The following CPEB3 variants were observed in gnomAD, a reference collection of about 807,000 sequenced individuals.
CPEB3 encodes the protein cytoplasmic polyadenylation element binding protein 3.
In CPEB3, 20 loss-of-function variants were observed where a neutral mutation model predicts 67.2. The observed-to-expected ratio is 0.30, with a 90% CI of 0.21 to 0.43. The LOEUF (loss-of-function observed/expected upper bound fraction) is 0.43. Among genes scored for constraint, CPEB3 ranks in the 20% least tolerant of loss-of-function variants. The probability of loss-of-function intolerance (pLI) is 1.00; values close to 1 mark genes in which losing one functional copy is unlikely to be tolerated. For missense variants in CPEB3, 746 were observed against 968.6 expected, an observed-to-expected ratio of 0.77 and a Z score of 3.05; for synonymous variants, 376 against 393.1, an observed-to-expected ratio of 0.96 and a Z score of 0.51.
intron 2 of CPEB3, among the ~76,000 whole-genome samples, chr10:92,219,367 C>A (rs1850589333): frequency 6.6e-6 from 1 of 152,100 alleles, no homozygotes; most frequent in African/African-American, 2.4e-5. Context: ...CCTTTGATGT[C>A]TCAGTATTCA....
At chr10:92,082,264 CTTTGTTTGTTTG>C (rs59306760) in intron 8 of CPEB3, among the ~76,000 whole-genome samples, 10 of 150,754 alleles carry the variant, frequency 6.6e-5, no homozygotes, top group South Asian at 2.1e-4. Flanking sequence ...CTAAATATGC[CTTTGTTTGTTTG>C]TTTGTTTGTT....
chr10:92,132,590 T>C (rs1845894706), intron 6 of CPEB3, among the ~76,000 whole-genome samples: 1 of 151,952 alleles, frequency 6.6e-6, no homozygotes, highest in Non-Finnish European at 1.5e-5. Flanking sequence ...GGTCAAAAAG[T>C]AAATGACAAA....
In CPEB3 at chr10:92,047,460, T is replaced by G. The variant is rs1283193249; in HGVS notation, c.*4752A>C. The G allele has an allele frequency of 6.6e-6, 1 of 152,250 alleles. No homozygotes were observed. Among genetic ancestry groups the G allele is most frequent in the East Asian group, 1.9e-4 (1 of 5,202 alleles). The allele number at this position is 152,250 out of a possible 1,614,324, so 9.4% of individuals were successfully genotyped here. A position where few individuals can be genotyped will look rare whatever the true frequency, so the allele number is the denominator to read the frequency against. The stretch of plus-strand genomic sequence containing the variant: ...GAGCTTTACCCAGTTAAATGCCATT[T>G]TTGTTGCTAATATAATAGATAAAAT... On this transcript the variant is annotated 3_prime_UTR_variant, in exon 10 of 10. Coordinates refer to ENST00000265997, the MANE Select transcript of CPEB3 (RefSeq NM_014912.5).
rs1463935090 is a variant in CPEB3 at position 92,143,086 on chromosome 10, G to C, written c.1396C>G (p.Pro466Ala). Residue 466 changes from proline to alanine, a missense_variant, in exon 6 of 10, where the codon CCT becomes GCT. Pro to Ala is a conservative substitution (Grantham distance 27). Transcript: ENST00000265997. ...TTGTGAGGCCAGTCTACTACGAGAG[G>C]TCCAAACCTGCGAAAGCTGGCAGTG... ...EITASFRRFG[P>A]LVVDWPHKAE... 3 of 1,613,500 alleles carry C rather than the reference G, an allele frequency of 1.9e-6. No individual in the cohort carries two copies. Among genetic ancestry groups the C allele is most frequent in the African/African-American group, 2.7e-5 (2 of 75,020 alleles).
At chr10:92,103,487 A>G (rs977524867) in intron 7 of CPEB3, among the ~76,000 whole-genome samples, 5 of 152,208 alleles carry the variant, frequency 3.3e-5, no homozygotes, top group Non-Finnish European at 5.9e-5. Context: ...CCAGGTTTAT[A>G]AAACAGTCTA....
chr10:92,232,177 C>T (rs1017597592), intron 2 of CPEB3, among the ~76,000 whole-genome samples: 6 of 151,246 alleles, frequency 4.0e-5, no homozygotes, highest in Admixed American at 3.3e-4. Flanking sequence ...CTCAACCTCC[C>T]GAGTAGCTGG....
chr10:92,146,095 A>G (rs1338875384), intron 4 of CPEB3, among the ~76,000 whole-genome samples: 1 of 152,226 alleles, frequency 6.6e-6, no homozygotes, highest in Non-Finnish European at 1.5e-5. Flanking sequence ...TACATTTTAT[A>G]TCACTCAAAA....
At position 92,049,280 on chromosome 10, in the gene CPEB3, G is replaced by A. The variant is rs1564736995; in HGVS notation, c.*2932C>T. On this transcript the variant is annotated 3_prime_UTR_variant, in exon 10 of 10. Transcript: ENST00000265997. ...GTATTGCACATAACAACAAATAGTC[G>A]AGGTTAGGTTATAGCCTTCAAAAAA... is the stretch of plus-strand genomic sequence containing the variant. 2 of 150,922 alleles carry A rather than the reference G, an allele frequency of 1.3e-5. No homozygotes were observed. The highest frequency in any genetic ancestry group is 2.5e-5 in the African/African-American group (1 of 40,730). 9.3% of individuals were successfully genotyped at this position (150,922 alleles called of 1,614,324 possible).
intron 4 of CPEB3, among the ~76,000 whole-genome samples, chr10:92,161,080 T>C (rs1847450808): frequency 6.6e-6 from 1 of 152,088 alleles, no homozygotes; most frequent in African/African-American, 2.4e-5. Flanking sequence ...TTTCACCATG[T>C]CACCCAAGCT....
At chr10:92,063,779 A>T (rs1364924983) in intron 9 of CPEB3, among the ~76,000 whole-genome samples, 1 of 150,870 alleles carries the variant, frequency 6.6e-6, no homozygotes, top group Non-Finnish European at 1.5e-5. Flanking sequence ...AAAAAAAATC[A>T]GTCAGATATC....
At chr10:92,237,119 G>A (rs1033271629) in intron 2 of CPEB3, among the ~76,000 whole-genome samples, 2 of 152,070 alleles carry the variant, frequency 1.3e-5, no homozygotes, top group Non-Finnish European at 2.9e-5. Flanking sequence ...CTGCACACAA[G>A]ACTCAGGTGT....
intron 4 of CPEB3, among the ~76,000 whole-genome samples, chr10:92,166,408 C>T (rs908612738): frequency 6.6e-6 from 1 of 152,026 alleles, no homozygotes; most frequent in African/African-American, 2.4e-5. Context: ...CACACCTGGC[C>T]TACAAAATGT....
At position 92,081,505 on chromosome 10, in the gene CPEB3, C is replaced by T. The variant is rs571996931; in HGVS notation, c.1688-4G>A. 7.4e-7 allele frequency: 1 copy of T among 1,352,352 alleles called. No homozygotes were observed. Among genetic ancestry groups the T allele is most frequent in the Non-Finnish European group, 1.0e-6 (1 of 1,001,838 alleles). 83.8% of individuals were successfully genotyped at this position (1,352,352 alleles called of 1,614,324 possible). The stretch of plus-strand genomic sequence containing the variant: ...TCCATGATCATTGCCAGTTCAACTG[C>T]AAAAAAAAAACAAAACATGGATGTG... On this transcript the variant is annotated splice_region_variant and splice_polypyrimidine_tract_variant and intron_variant, in intron 8 of 9. Transcript: ENST00000265997.
intron 9 of CPEB3, among the ~76,000 whole-genome samples, chr10:92,057,230 T>C (rs972561872): frequency 6.6e-6 from 1 of 152,158 alleles, no homozygotes; most frequent in African/African-American, 2.4e-5. Context: ...GAGGGGAGCC[T>C]AGTGCCCTGA....
At chr10:92,214,763 T>C (rs1336521442) in intron 2 of CPEB3, among the ~76,000 whole-genome samples, 1 of 150,362 alleles carries the variant, frequency 6.7e-6, no homozygotes, top group South Asian at 2.1e-4. Flanking sequence ...TGGGATTACA[T>C]GCATGAGCCA....
chr10:92,201,237 CA>C (rs1244467663), intron 2 of CPEB3, among the ~76,000 whole-genome samples: 1 of 152,068 alleles, frequency 6.6e-6, no homozygotes, highest in African/African-American at 2.4e-5. Context: ...CAAAAAAGTA[CA>C]AAAATTAGGC....
At chr10:92,106,038 G>A (rs1423322366) in intron 7 of CPEB3, among the ~76,000 whole-genome samples, 1 of 151,754 alleles carries the variant, frequency 6.6e-6, no homozygotes, top group Non-Finnish European at 1.5e-5. Context: ...AATTAGAGGC[G>A]CCCACCACCA....
chr10:92,067,240 C>A (rs1490947954), intron 9 of CPEB3, among the ~76,000 whole-genome samples: 2 of 152,104 alleles, frequency 1.3e-5, no homozygotes, highest in Admixed American at 6.5e-5. Context: ...GTGGCACACG[C>A]CTGTAATCAC....
At chr10:92,200,282 C>T (rs537750575) in intron 2 of CPEB3, among the ~76,000 whole-genome samples, 19 of 151,950 alleles carry the variant, frequency 1.3e-4, no homozygotes, top group South Asian at 2.1e-4. Flanking sequence ...CGGTGGCTCA[C>T]GCCTGTAATC....
Sources: gnomAD v4.1 joint callset for allele counts (sites outside exome capture counted in the v4.1 genomes callset) on GRCh38, gnomAD v4.1.1 for gene constraint, MANE v1.5 for transcripts, NCBI Gene and HGNC (gene_info 2026-07-23, HGNC 2026-07-21) for gene names.